The following FMO1 variants were observed in gnomAD, a reference collection of about 807,000 sequenced individuals.
The protein encoded by FMO1 is flavin containing dimethylaniline monoxygenase 1.
FMO1 carries 36 observed loss-of-function variants against 45.4 expected under a neutral mutation model. The observed-to-expected ratio is 0.79, with a 90% CI of 0.61 to 1.05. The LOEUF is 1.05. Ranked by LOEUF, FMO1 falls within the 50% of genes least tolerant of loss-of-function variation. FMO1 has a pLI of 0.00. For synonymous variants in FMO1, 228 were observed against 227.2 expected (o/e 1.00, Z -0.03); for missense variants, 615 against 640.3 (o/e 0.96, Z 0.43).
rs1223615722 is a variant in FMO1 at position 171,285,264 on chromosome 1, T to C, written c.1319T>C (p.Leu440Pro). 1.2e-6 allele frequency: 2 copies of C among 1,613,942 alleles called. No individual in the cohort carries two copies. The highest frequency in any genetic ancestry group is 8.5e-7 in the Non-Finnish European group (1 of 1,179,874). ...SDYITYIDELLTYINAKPNLF... is the reference protein window; with the variant it reads ...SDYITYIDELPTYINAKPNLF... ...TATATCACATACATAGATGAACTCCTGACCTATATCAATGCAAAACCCAAC... is the reference window on the plus strand; with the variant it reads ...TATATCACATACATAGATGAACTCCCGACCTATATCAATGCAAAACCCAAC... The change falls in exon 9 of 9, where the codon CTG becomes CCG. Residue 440 changes from leucine to proline, a missense_variant. Leu to Pro is a moderately conservative substitution (Grantham distance 98, BLOSUM62 -3). Transcript: ENST00000617670.
chr1:171,256,080 T>C (rs1660134079), intron 1 of FMO1, among the ~76,000 whole-genome samples: 1 of 152,000 alleles, frequency 6.6e-6, no homozygotes, highest in African/African-American at 2.4e-5. Flanking sequence ...AAGACCATCC[T>C]GGCTAACATG....
At chr1:171,263,139 A>T (rs552335708) in intron 2 of FMO1, among the ~76,000 whole-genome samples, 2 of 152,334 alleles carry the variant, frequency 1.3e-5, no homozygotes, top group African/African-American at 2.4e-5. Flanking sequence ...AAGCTTAAGA[A>T]AGTAAATTTC....
At chr1:171,283,420 G>A (rs562976131) in intron 8 of FMO1, among the ~76,000 whole-genome samples, 1 of 152,018 alleles carries the variant, frequency 6.6e-6, no homozygotes, top group African/African-American at 2.4e-5. Flanking sequence ...AGAAGGGAAA[G>A]GGGAATTTAG....
At chr1:171,257,138 C>T (rs1259688245) in intron 1 of FMO1, among the ~76,000 whole-genome samples, 2 of 152,206 alleles carry the variant, frequency 1.3e-5, no homozygotes, top group Admixed American at 6.5e-5. Context: ...AAGGAAGCTA[C>T]TATTGTTTTC....
intron 1 of FMO1, among the ~76,000 whole-genome samples, chr1:171,255,586 T>C (rs1313244781): frequency 1.3e-5 from 2 of 152,216 alleles, no homozygotes; most frequent in Non-Finnish European, 2.9e-5. Flanking sequence ...TGGTCCTTTC[T>C]ACACTAGGAG....
At position 171,278,733 on chromosome 1, in the gene FMO1, T is replaced by G. The variant is rs1323401439; in HGVS notation, c.489T>G (p.Ile163Met). The change falls in exon 5 of 9, where the codon ATT (isoleucine) becomes ATG (methionine). Residue 163 changes from isoleucine to methionine, a missense_variant. Coordinates refer to ENST00000617670, the MANE Select transcript of FMO1 (RefSeq NM_001282693.2). ...PYLPLDSFPGINAFKGQYFHS... is the reference protein window; with the variant it reads ...PYLPLDSFPGMNAFKGQYFHS... ...CTTCTCTTTTATTTTCTATAGGTATTAATGCCTTTAAAGGCCAGTACTTTC... is the reference window on the plus strand; with the variant it reads ...CTTCTCTTTTATTTTCTATAGGTATGAATGCCTTTAAAGGCCAGTACTTTC... The G allele has an allele frequency of 3.1e-6, 5 of 1,597,410 alleles. No homozygotes were observed. Among genetic ancestry groups the G allele is most frequent in the Non-Finnish European group, 4.3e-6 (5 of 1,168,530 alleles).
intron 5 of FMO1, 34 bp from the exon 6 acceptor site, chr1:171,280,752 T>C (rs758879995): frequency 1.2e-4 from 182 of 1,577,124 alleles, no homozygotes; most frequent in Non-Finnish European, 1.5e-4. Flanking sequence ...GTGTTCACAG[T>C]GTCAAATGAA....
intron 3 of FMO1, among the ~76,000 whole-genome samples, chr1:171,274,858 G>A (rs917284134): frequency 2.6e-5 from 4 of 152,180 alleles, no homozygotes; most frequent in African/African-American, 9.7e-5. Flanking sequence ...AGGCCATAAT[G>A]TTAGCACTTT....
intron 3 of FMO1, chr1:171,271,230 C>A (rs2101823346): frequency 9.5e-6 from 9 of 944,934 alleles, no homozygotes; most frequent in South Asian, 1.4e-5. Context: ...CACTAATGGG[C>A]AGGCCAAGTT....
intron 5 of FMO1, 23 bp downstream of exon 5, chr1:171,278,894 T>C: frequency 1.9e-6 from 3 of 1,570,122 alleles, no homozygotes; most frequent in South Asian, 2.4e-5. Context: ...TGTTACTGGG[T>C]GAAGAGCTTT....
chr1:171,280,389 C>T (rs1183740912), intron 5 of FMO1, among the ~76,000 whole-genome samples: 1 of 152,106 alleles, frequency 6.6e-6, no homozygotes, highest in African/African-American at 2.4e-5. Flanking sequence ...TCATTTAAGC[C>T]AATGGTTTGC....
chr1:171,277,444 T>G (rs1020540394), intron 4 of FMO1, among the ~76,000 whole-genome samples: 3 of 152,102 alleles, frequency 2.0e-5, no homozygotes, highest in Admixed American at 2.0e-4. Flanking sequence ...TATTATAAAT[T>G]TTTTTCTTAG....
rs28384829 is a variant in FMO1 at position 171,253,526 on chromosome 1, C to T, written c.-6-4556C>T. On this transcript the variant is annotated intron_variant, in intron 1 of 8. Coordinates refer to ENST00000617670, the MANE Select transcript of FMO1 (RefSeq NM_001282693.2). ...CCTTAAAAAATAATAATAAGGGAGG[C>T]CGAGGCGGGTGGATCACCTGAGGTC... is the stretch of plus-strand genomic sequence containing the variant. 5.4e-4 allele frequency among the ~76,000 whole-genome samples: 82 copies of T among 152,012 alleles called. No homozygotes were observed. The East Asian group carries it at 0.015, about 28-fold the overall frequency.
chr1:171,270,919 T>C, intron 3 of FMO1: 7 of 769,476 alleles, frequency 9.1e-6, no homozygotes, highest in Non-Finnish European at 1.5e-5. Flanking sequence ...TTAAATGCTT[T>C]ATAGACGAGA....
intron 1 of FMO1, among the ~76,000 whole-genome samples, chr1:171,253,474 C>A (rs1659996396): frequency 6.6e-6 from 1 of 152,070 alleles, no homozygotes; most frequent in Admixed American, 6.6e-5. Flanking sequence ...TCAAAACTAA[C>A]CTGGGCAACA....
At position 171,275,410 on chromosome 1, in the gene FMO1, C is replaced by T. The variant is rs1340077209; in HGVS notation, c.386C>T (p.Thr129Ile). ...SAVSGQWEVV[T>I]MHEEKQESAI... The stretch of plus-strand genomic sequence containing the variant: ...GTCTCTGGCCAATGGGAGGTGGTCA[C>T]TATGCATGAAGAGAAGCAAGAGTCA... Residue 129 changes from threonine to isoleucine, a missense_variant, in exon 4 of 9, where the codon ACT (threonine) becomes ATT (isoleucine). Thr to Ile is a moderately conservative substitution (Grantham distance 89, BLOSUM62 -1). Coordinates refer to ENST00000617670, the MANE Select transcript of FMO1 (RefSeq NM_001282693.2). The T allele has an allele frequency of 6.2e-7, 1 of 1,613,738 alleles. No homozygotes were observed. Among genetic ancestry groups the T allele is most frequent in the South Asian group, 1.1e-5 (1 of 91,058 alleles).
intron 2 of FMO1, among the ~76,000 whole-genome samples, chr1:171,262,400 C>T (rs1660413949): frequency 6.6e-6 from 1 of 152,204 alleles, no homozygotes; most frequent in African/African-American, 2.4e-5. Context: ...ATACACTGTG[C>T]TTCATCCTTC....
In FMO1 at chr1:171,249,037, A is replaced by G. The variant is rs1313767714; in HGVS notation, c.-7+414A>G. 4.6e-5 allele frequency among the ~76,000 whole-genome samples: 7 copies of G among 151,858 alleles called. No homozygotes were observed. In the East Asian group the frequency reaches 9.8e-4, roughly 21 times the overall value. On this transcript the variant is annotated intron_variant, in intron 1 of 8. Coordinates refer to ENST00000617670, the MANE Select transcript of FMO1 (RefSeq NM_001282693.2). ...CTGAGATCATAGTTTTTGAAGGGTGACTACCAAATGTTGGCATTTGGCACA... is the reference window on the plus strand; with the variant it reads ...CTGAGATCATAGTTTTTGAAGGGTGGCTACCAAATGTTGGCATTTGGCACA...
Position 171,258,186 on chromosome 1 carries a change from G to A in FMO1, c.99G>A (p.Arg33=). 2 of 1,614,174 alleles carry A rather than the reference G, an allele frequency of 1.2e-6. No homozygotes were observed. The highest frequency in any genetic ancestry group is 1.7e-6 in the Non-Finnish European group (2 of 1,180,026). ...EEGLEPTCFE[R]SDDLGGLWRF... Reference sequence around the variant, plus strand: ...GACTGGAGCCCACCTGCTTTGAGAGGAGCGATGACCTTGGGGGGCTGTGGA... The same window carrying A: ...GACTGGAGCCCACCTGCTTTGAGAGAAGCGATGACCTTGGGGGGCTGTGGA... Residue 33 remains arginine, a synonymous_variant, in exon 2 of 9, where the codon AGG becomes AGA. Transcript: ENST00000617670.
Sources: allele counts gnomAD v4.1 joint callset (sites outside exome capture counted in the v4.1 genomes callset), GRCh38; gene constraint gnomAD v4.1.1; transcripts MANE v1.5; gene names NCBI Gene and HGNC (gene_info 2026-07-23, HGNC 2026-07-21).